Variants in GIT1 observed in about 807,000 individuals in gnomAD.
The protein encoded by GIT1 is GIT ArfGAP 1.
In GIT1, 14 loss-of-function variants were observed where a neutral mutation model predicts 91.7. The observed-to-expected ratio is 0.15, with a 90% CI of 0.10 to 0.24. GIT1 has a LOEUF of 0.24. Ranked by LOEUF, GIT1 falls within the 10% of genes least tolerant of loss-of-function variation. The probability of loss-of-function intolerance (pLI) is 1.00; values close to 1 mark genes in which losing one functional copy is unlikely to be tolerated. For missense variants in GIT1, 717 were observed against 1,024.9 expected (o/e 0.70, Z 4.10); for synonymous variants, 414 against 418.2 (o/e 0.99, Z 0.12).
rs374858656 is a variant in GIT1 at position 29,586,096 on chromosome 17, C to T, written c.53-2480G>A. On this transcript the variant is annotated intron_variant, in intron 1 of 19. Transcript: ENST00000225394. ...GAAAAGCCCACATCATGAAGGCAGG[C>T]GAGAGTAGTCCTTGGGGTAGAGTCA... Among the ~76,000 whole-genome samples, 7 of 152,212 alleles carry T rather than the reference C, an allele frequency of 4.6e-5. No homozygotes were observed. In the East Asian group the frequency reaches 9.7e-4, roughly 21 times the overall value.
Position 29,575,308 on chromosome 17 carries a change from G to T in GIT1, c.1989C>A (p.Ala663=), listed in dbSNP as rs751066009. The T allele has an allele frequency of 8.7e-6, 14 of 1,612,598 alleles. No individual in the cohort carries two copies. Among genetic ancestry groups the T allele is most frequent in the Non-Finnish European group, 5.1e-6 (6 of 1,179,582 alleles). ...TKNIQELLRA[A]QEFKHDSFVP... is the part of the protein sequence containing the mutation. ...AGTACCTGTCATGCTTGAACTCCTG[G>T]GCTGCCCGCAACAGTTCCTGAATGT... The change falls in exon 18 of 20, where the codon GCC becomes GCA. Residue 663 remains alanine (A), a synonymous_variant. Transcript: ENST00000225394. The surrounding 1 kb of genome is among the most constrained non-coding windows in gnomAD (Gnocchi z 5.5).
intron 1 of GIT1, 91 bp from the exon 2 acceptor site, chr17:29,583,707 T>A: frequency 7.4e-7 from 1 of 1,356,780 alleles, no homozygotes; most frequent in Admixed American, 2.3e-5. Flanking sequence ...CCTAGTACTC[T>A]CCACACATTC....
At position 29,575,431 on chromosome 17, in the gene GIT1, T is replaced by C. The variant is rs768782252; in HGVS notation, c.1866A>G (p.Glu622=). The C allele has an allele frequency of 2.2e-5, 36 of 1,612,446 alleles. No individual in the cohort carries two copies. The Admixed American group carries it at 5.0e-4, about 23-fold the overall frequency. ...GKRFLELGKE[E]DFHPELESLD... Reference sequence around the variant, plus strand: ...GGCTTTCCAGCTCTGGGTGGAAGTCTTCCTCTTTGCCCAGCTCTAGAAACC... The same window carrying C: ...GGCTTTCCAGCTCTGGGTGGAAGTCCTCCTCTTTGCCCAGCTCTAGAAACC... The change falls in exon 18 of 20, where the codon GAA becomes GAG. Residue 622 remains glutamate (E), a synonymous_variant. Transcript: ENST00000225394. The surrounding 1 kb of genome is among the most constrained non-coding windows in gnomAD (Gnocchi z 5.5).
Position 29,578,317 on chromosome 17 carries a change from G to A in GIT1, c.865C>T (p.Arg289Ter). 1 of 1,613,936 alleles carries A rather than the reference G, an allele frequency of 6.2e-7. No homozygotes were observed. The highest frequency in any genetic ancestry group is 8.5e-7 in the Non-Finnish European group (1 of 1,179,864). The change falls in exon 9 of 20, where the codon CGA becomes TGA. Residue 289 changes from arginine (R) to a stop codon, truncating the protein, a stop_gained. Coordinates refer to ENST00000225394, the MANE Select transcript of GIT1 (RefSeq NM_014030.4). LOFTEE classifies it high-confidence loss of function. ...LAMDVYDEVD[R>*]RENDAVWLAT... ...GACTCACCTGCATCATTTTCTCTTC[G>A]ATCCACCTCGTCATACACGTCCATG...
intron 1 of GIT1, 72 bp from the exon 2 acceptor site, chr17:29,583,688 C>G (rs2303623): frequency 8.3e-5 from 123 of 1,485,950 alleles, no homozygotes; most frequent in Non-Finnish European, 1.0e-4. Flanking sequence ...TGCTCTGGCC[C>G]GTGCCAAGCC....
intron 1 of GIT1, among the ~76,000 whole-genome samples, chr17:29,588,208 A>C (rs1005676013): frequency 6.6e-6 from 1 of 152,132 alleles, no homozygotes; most frequent in Non-Finnish European, 1.5e-5. Flanking sequence ...TCTCACTCTT[A>C]ATCATGCCCA....
At position 29,575,528 on chromosome 17, in the gene GIT1, A is replaced by C. The variant is rs1338734180; in HGVS notation, c.1827-58T>G. 35 of 1,563,434 alleles carry C rather than the reference A, an allele frequency of 2.2e-5. No individual in the cohort carries two copies. The highest frequency in any genetic ancestry group is 3.0e-5 in the Non-Finnish European group (34 of 1,146,560). Reference sequence around the variant, plus strand: ...ATACATATAGAGAAAGACACGTTCCAGCCTCGGAGCCGCCCGCCTTGGTCC... The same window carrying C: ...ATACATATAGAGAAAGACACGTTCCCGCCTCGGAGCCGCCCGCCTTGGTCC... On this transcript the variant is annotated intron_variant, in intron 17 of 19. Coordinates refer to ENST00000225394, the MANE Select transcript of GIT1 (RefSeq NM_014030.4). This position sits in a 1 kb window ranked among gnomAD's most constrained non-coding sequence, Gnocchi z 5.5.
chr17:29,575,748 C>T lies in GIT1; in HGVS notation c.1753-45G>A. 2 of 1,598,602 alleles carry T rather than the reference C, an allele frequency of 1.3e-6. No individual in the cohort carries two copies. Among genetic ancestry groups the T allele is most frequent in the Non-Finnish European group, 1.7e-6 (2 of 1,173,438 alleles). On this transcript the variant is annotated intron_variant, in intron 16 of 19. Transcript: ENST00000225394. The surrounding 1 kb of genome is among the most constrained non-coding windows in gnomAD (Gnocchi z 5.5). ...GGCTGTGAGCGCCGTGTTCCTGGAC[C>T]CACACTGCCCCTAGCCCACACGGCC...
chr17:29,581,722 GC>G lies in GIT1; in HGVS notation c.718+19del, dbSNP rs752722167. ...CCAGCCAGGCCTGTCACAGCCAGGC[GC>G]CCCCCAAGCTCTGCTCACCCGGCTT... On this transcript the variant is annotated intron_variant, in intron 6 of 19. Coordinates refer to ENST00000225394, the MANE Select transcript of GIT1 (RefSeq NM_014030.4). The surrounding 1 kb of genome is among the most constrained non-coding windows in gnomAD (Gnocchi z 4.8). 5 of 1,593,070 alleles carry G rather than the reference GC, an allele frequency of 3.1e-6. No individual in the cohort carries two copies. Among genetic ancestry groups the G allele is most frequent in the East Asian group, 2.2e-5 (1 of 44,780 alleles).
intron 14 of GIT1, 31 bp from the exon 15 acceptor site, chr17:29,576,162 T>C (rs2033189817): frequency 1.7e-5 from 27 of 1,612,524 alleles, no homozygotes; most frequent in African/African-American, 2.7e-5. Context: ...AGCGTCATGG[T>C]GGACCCTGCG....
In GIT1 at chr17:29,575,724, G is replaced by T. The variant is rs1156253272; in HGVS notation, c.1753-21C>A. The T allele has an allele frequency of 6.2e-7, 1 of 1,611,908 alleles. No homozygotes were observed. Among genetic ancestry groups the T allele is most frequent in the Non-Finnish European group, 8.5e-7 (1 of 1,179,320 alleles). ...TTGCTCTGGAGGGCGGAGGGAAGGG[G>T]CTGTGAGCGCCGTGTTCCTGGACCC... is the stretch of plus-strand genomic sequence containing the variant. On this transcript the variant is annotated intron_variant, in intron 16 of 19. Coordinates refer to ENST00000225394, the MANE Select transcript of GIT1 (RefSeq NM_014030.4). This position sits in a 1 kb window ranked among gnomAD's most constrained non-coding sequence, Gnocchi z 5.5.
In GIT1 at chr17:29,576,143, A is replaced by G. The variant is rs1314633998; in HGVS notation, c.1612-12T>C. On this transcript the variant is annotated splice_polypyrimidine_tract_variant and intron_variant, in intron 14 of 19. Coordinates refer to ENST00000225394, the MANE Select transcript of GIT1 (RefSeq NM_014030.4). ...TCGTCCTCTAGCTCCTGGGGATGTT[A>G]GCACAGCGAGCGTCATGGTGGACCC... The G allele has an allele frequency of 1.2e-6, 2 of 1,613,572 alleles. No homozygotes were observed. The highest frequency in any genetic ancestry group is 3.3e-5 in the Admixed American group (2 of 60,022).
Position 29,576,368 on chromosome 17 carries a change from G to C in GIT1, c.1463C>G (p.Ala488Gly). Residue 488 changes from alanine to glycine, a missense_variant, in exon 14 of 20, where the codon GCG becomes GGG. Around this residue, in one of 3 missense-constraint regions of GIT1, gnomAD observed 312 missense variants for 349.5 expected, o/e 0.89. Transcript: ENST00000225394. ...GCCTGGCGCCATGGGTGTGTGTTCCGCCCGTTCACTGGGGAGTGGAGGTGT... is the reference window on the plus strand; with the variant it reads ...GCCTGGCGCCATGGGTGTGTGTTCCCCCCGTTCACTGGGGAGTGGAGGTGT... ...VPTPPLPSER[A>G]EHTPMAPGGS... 6.2e-7 allele frequency: 1 copy of C among 1,613,438 alleles called. No individual in the cohort carries two copies. Among genetic ancestry groups the C allele is most frequent in the South Asian group, 1.1e-5 (1 of 91,086 alleles).
chr17:29,579,102 C>T, intron 7 of GIT1: 5 of 893,826 alleles, frequency 5.6e-6, no homozygotes, highest in Non-Finnish European at 5.6e-6. Flanking sequence ...CACGCACACC[C>T]GGCCCAGAAG....
chr17:29,574,383 C>A lies in GIT1; in HGVS notation c.*319G>T. On this transcript the variant is annotated 3_prime_UTR_variant, in exon 20 of 20. Transcript: ENST00000225394. ...GCCCCACTTGGAGTGTCCCCACCTGCCCCTTTGCTGAGGGTGCCCTAGAAG... is the reference window on the plus strand; with the variant it reads ...GCCCCACTTGGAGTGTCCCCACCTGACCCTTTGCTGAGGGTGCCCTAGAAG... The A allele has an allele frequency of 2.6e-6, 1 of 391,182 alleles. No homozygotes were observed. Among genetic ancestry groups the A allele is most frequent in the Non-Finnish European group, 4.8e-6 (1 of 208,952 alleles). The allele number at this position is 391,182 out of a possible 1,614,324, so 24.2% of individuals were successfully genotyped here. A position where few individuals can be genotyped will look rare whatever the true frequency, so the allele number is the denominator to read the frequency against.
In GIT1 at chr17:29,574,663, T is replaced by G; in HGVS notation, c.*39A>C. ...GGAGTGGCCCAGCTCCTATGGCCAG[T>G]GAGGTCCTAGGGTGCAGGTGAGGGT... is the stretch of plus-strand genomic sequence containing the variant. On this transcript the variant is annotated 3_prime_UTR_variant, in exon 20 of 20. Transcript: ENST00000225394. 88 of 1,485,460 alleles carry G rather than the reference T, an allele frequency of 5.9e-5. No individual in the cohort carries two copies. The highest frequency in any genetic ancestry group is 7.4e-5 in the Non-Finnish European group (79 of 1,066,028). The allele number at this position is 1,485,460 out of a possible 1,614,324, so 92.0% of individuals were successfully genotyped here.
At chr17:29,584,946 C>T (rs2033539109) in intron 1 of GIT1, among the ~76,000 whole-genome samples, 2 of 138,972 alleles carry the variant, frequency 1.4e-5, no homozygotes, top group South Asian at 4.8e-4. Context: ...AGAGGCCTGT[C>T]TTTGGGTTTA....
intron 12 of GIT1, 30 bp downstream of exon 12, chr17:29,576,831 CAG>C (rs748620146): frequency 3.8e-6 from 6 of 1,578,674 alleles, no homozygotes; most frequent in South Asian, 2.3e-5. Flanking sequence ...GGTCAGGGCA[CAG>C]GGGAGTGGGA....
intron 11 of GIT1, 62 bp from the exon 12 acceptor site, chr17:29,577,058 C>T: frequency 6.2e-7 from 1 of 1,606,958 alleles, no homozygotes. Context: ...CTCAGGTCAC[C>T]ACTGGCAGGG....
Sources: allele counts gnomAD v4.1 joint callset (sites outside exome capture counted in the v4.1 genomes callset), GRCh38; gene constraint gnomAD v4.1.1; regional missense constraint gnomAD v4.1.1; non-coding constraint Gnocchi (gnomAD v3.1); transcripts MANE v1.5; gene names NCBI Gene and HGNC (gene_info 2026-07-23, HGNC 2026-07-21).